Variants in TNFRSF19 observed in about 807,000 individuals in gnomAD.
The protein encoded by TNFRSF19 is tumor necrosis factor receptor superfamily member 19.
In TNFRSF19, 27 loss-of-function variants were observed where a neutral mutation model predicts 46.4. That is an observed-to-expected ratio of 0.58 (90% CI 0.43 to 0.80). The LOEUF (loss-of-function observed/expected upper bound fraction) is 0.80. Among genes scored for constraint, TNFRSF19 ranks in the 30% least tolerant of loss-of-function variants. The pLI, the probability that TNFRSF19 is intolerant of heterozygous loss-of-function variation, is 0.00. For missense variants in TNFRSF19, 511 were observed against 530.8 expected (o/e 0.96, Z 0.37); for synonymous variants, 204 against 205.0 (o/e 1.00, Z 0.04).
At chr13:23,573,775 T>C (rs1877777135) in intron 1 of TNFRSF19, among the ~76,000 whole-genome samples, 1 of 152,054 alleles carries the variant, frequency 6.6e-6, no homozygotes, top group Non-Finnish European at 1.5e-5. Flanking sequence ...AAAAAATATA[T>C]CTTGGGGCCA....
rs1951813540 is a variant in TNFRSF19 at position 23,675,301 on chromosome 13, A to G, written c.*1921A>G. 1 of 151,930 alleles carries G rather than the reference A, an allele frequency of 6.6e-6. No individual in the cohort carries two copies. Among genetic ancestry groups the G allele is most frequent in the African/African-American group, 2.4e-5 (1 of 41,186 alleles). 9.4% of individuals were successfully genotyped at this position (151,930 alleles called of 1,614,324 possible). A position where few individuals can be genotyped will look rare whatever the true frequency, so the allele number is the denominator to read the frequency against. ...AGATGATGTTTGCATTTCTGTTATG[A>G]CAGAGAGATGATGAAAGTAGGCAGG... On this transcript the variant is annotated 3_prime_UTR_variant, in exon 10 of 10. Transcript: ENST00000248484.
In TNFRSF19 at chr13:23,593,354, G is replaced by A. The variant is rs774792148; in HGVS notation, c.79G>A (p.Val27Met). 1.3e-6 allele frequency: 2 copies of A among 1,565,844 alleles called. No homozygotes were observed. The highest frequency in any genetic ancestry group is 1.7e-6 in the Non-Finnish European group (2 of 1,164,264). ...AAATTTTTTTTTTCAGTCATGTAAA[G>A]TGACTTGTGAATCAGGAGACTGTAG... is the stretch of plus-strand genomic sequence containing the variant. Reference protein sequence around the residue: ...LVLLGYLSCKVTCESGDCRQQ... With the variant: ...LVLLGYLSCKMTCESGDCRQQ... The change falls in exon 3 of 10, where the codon GTG becomes ATG. Residue 27 changes from valine (V) to methionine (M), a missense_variant. Transcript: ENST00000248484.
chr13:23,594,821 G>T (rs1879592638), intron 3 of TNFRSF19, among the ~76,000 whole-genome samples: 2 of 152,204 alleles, frequency 1.3e-5, no homozygotes, highest in Non-Finnish European at 2.9e-5. Flanking sequence ...CCGATTGGGA[G>T]ACACCTCCCA....
intron 9 of TNFRSF19, among the ~76,000 whole-genome samples, chr13:23,671,451 A>G (rs559065339): frequency 1.4e-4 from 21 of 152,230 alleles, no homozygotes; most frequent in African/African-American, 2.4e-4. Context: ...TTTTTCCCCT[A>G]TAATAGTGAA....
chr13:23,616,857 G>T (rs999885333), intron 4 of TNFRSF19, among the ~76,000 whole-genome samples: 2 of 152,180 alleles, frequency 1.3e-5, no homozygotes, highest in Non-Finnish European at 2.9e-5. Context: ...GGGATTACAG[G>T]TGTGAGCCAC....
chr13:23,601,429 A>G (rs751449385), intron 3 of TNFRSF19, among the ~76,000 whole-genome samples: 6 of 152,326 alleles, frequency 3.9e-5, no homozygotes, highest in East Asian at 3.9e-4. Context: ...GACTTTCTCA[A>G]TCAATTGAGG....
At chr13:23,671,993 GC>G (rs1185396040) in intron 9 of TNFRSF19, among the ~76,000 whole-genome samples, 3 of 152,182 alleles carry the variant, frequency 2.0e-5, no homozygotes. Flanking sequence ...CTCGTTCATA[GC>G]TCAGGAAAAC....
chr13:23,600,559 A>G (rs1323935261), intron 3 of TNFRSF19, among the ~76,000 whole-genome samples: 1 of 152,222 alleles, frequency 6.6e-6, no homozygotes, highest in Non-Finnish European at 1.5e-5. Flanking sequence ...TTTTTCTGAC[A>G]GGGGAGGCAG....
chr13:23,629,054 G>A (rs993615355), intron 5 of TNFRSF19, among the ~76,000 whole-genome samples: 1 of 150,812 alleles, frequency 6.6e-6, no homozygotes, highest in African/African-American at 2.4e-5. Flanking sequence ...ATTTTGTAAG[G>A]CGCCTTATGT....
At chr13:23,604,615 T>C (rs1444607489) in intron 3 of TNFRSF19, among the ~76,000 whole-genome samples, 1 of 152,078 alleles carries the variant, frequency 6.6e-6, no homozygotes, top group Non-Finnish European at 1.5e-5. Flanking sequence ...TGTAAACATA[T>C]AGTAATCAAG....
At chr13:23,621,852 A>G (rs920789277) in intron 4 of TNFRSF19, among the ~76,000 whole-genome samples, 1 of 152,018 alleles carries the variant, frequency 6.6e-6, no homozygotes, top group Non-Finnish European at 1.5e-5. Flanking sequence ...TGGGAGGCTA[A>G]GATGGGAGGA....
intron 1 of TNFRSF19, among the ~76,000 whole-genome samples, chr13:23,583,830 G>A (rs9550985): frequency 0.1 from 15,914 of 152,208 alleles, 897 homozygotes; most frequent in East Asian, 0.18. Context: ...GTAGATGTTT[G>A]AGGTCCCCTT....
At chr13:23,571,832 A>G (rs1385053597) in intron 1 of TNFRSF19, among the ~76,000 whole-genome samples, 1 of 151,918 alleles carries the variant, frequency 6.6e-6, no homozygotes, top group Non-Finnish European at 1.5e-5. Context: ...TATAAAAACT[A>G]AATACAATGG....
chr13:23,602,566 C>T (rs1394221955), intron 3 of TNFRSF19, among the ~76,000 whole-genome samples: 1 of 152,044 alleles, frequency 6.6e-6, no homozygotes, highest in Admixed American at 6.6e-5. Flanking sequence ...ACACATTATT[C>T]TTAAGCTGTC....
At chr13:23,647,969 C>T (rs1180198432) in intron 5 of TNFRSF19, among the ~76,000 whole-genome samples, 1 of 152,032 alleles carries the variant, frequency 6.6e-6, no homozygotes, top group African/African-American at 2.4e-5. Context: ...TACCACACCA[C>T]CCCCCCTTTT....
chr13:23,664,647 A>G (rs1215145923), intron 7 of TNFRSF19, among the ~76,000 whole-genome samples: 1 of 152,184 alleles, frequency 6.6e-6, no homozygotes, highest in Non-Finnish European at 1.5e-5. Context: ...TCCTCTTGGA[A>G]CTGTCTAATC....
chr13:23,576,428 C>T (rs1025250425), intron 1 of TNFRSF19, among the ~76,000 whole-genome samples: 2 of 152,120 alleles, frequency 1.3e-5, no homozygotes, highest in Non-Finnish European at 1.5e-5. Flanking sequence ...CCACTGCACC[C>T]GGCCCACAGA....
At chr13:23,621,611 G>T (rs1363248939) in intron 4 of TNFRSF19, among the ~76,000 whole-genome samples, 1 of 152,178 alleles carries the variant, frequency 6.6e-6, no homozygotes, top group Non-Finnish European at 1.5e-5. Flanking sequence ...TCTACAGCCA[G>T]ATTTTTTTAA....
rs1206315605 is a variant in TNFRSF19, at chr13:23,591,360, G to A, written c.69+1108G>A. Among the ~76,000 whole-genome samples the A allele has an allele frequency of 2.6e-5, 4 of 152,150 alleles. No individual in the cohort carries two copies. The East Asian group carries it at 7.7e-4, about 29-fold the overall frequency. ...CCTAGCTACTTGAGAGGATGAGGTA[G>A]GAGAATCGCTTGAACATGGGAGGCG... On this transcript the variant is annotated intron_variant, in intron 2 of 9. Transcript: ENST00000248484.
Sources: allele counts gnomAD v4.1 joint callset (sites outside exome capture counted in the v4.1 genomes callset), GRCh38; gene constraint gnomAD v4.1.1; transcripts MANE v1.5; gene names NCBI Gene and HGNC (gene_info 2026-07-23, HGNC 2026-07-21).